JARID2: variants seen among roughly 807,000 people sequenced by gnomAD.
The protein encoded by JARID2 is protein Jumonji.
A neutral mutation model predicts 125.6 loss-of-function variants in JARID2; 21 were observed. That is an observed-to-expected ratio of 0.17 (90% confidence interval 0.12 to 0.24). The LOEUF is 0.24. Among genes scored for constraint, JARID2 ranks in the 10% least tolerant of loss-of-function variants. JARID2 has a pLI of 1.00. For missense variants in JARID2, 1,303 were observed against 1,639.6 expected (o/e 0.79, Z 3.55); for synonymous variants, 736 against 661.6 (o/e 1.11, Z -1.73).
chr6:15,323,228 T>C (rs963187003), intron 1 of JARID2, among the ~76,000 whole-genome samples: 1 of 152,272 alleles, frequency 6.6e-6, no homozygotes, highest in Non-Finnish European at 1.5e-5. Flanking sequence ...CATTTCTCCC[T>C]GATTGCCTTC....
chr6:15,385,558 A>T (rs1016127780), intron 2 of JARID2, among the ~76,000 whole-genome samples: 1 of 151,504 alleles, frequency 6.6e-6, no homozygotes, highest in Admixed American at 6.6e-5. Flanking sequence ...TTATATAGAT[A>T]ATTATCTAAT....
At chr6:15,255,724 T>C (rs1023636775) in intron 1 of JARID2, among the ~76,000 whole-genome samples, 8 of 152,132 alleles carry the variant, frequency 5.3e-5, no homozygotes, top group Admixed American at 3.3e-4. Flanking sequence ...TGAGAAGGGA[T>C]TAGGGCTGAG....
Position 15,520,355 on chromosome 6 carries a change from A to G in JARID2, c.*104A>G. The G allele has an allele frequency of 1.2e-6, 1 of 848,274 alleles. No individual in the cohort carries two copies. The highest frequency in any genetic ancestry group is 1.7e-6 in the Non-Finnish European group (1 of 584,504). The allele number at this position is 848,274 out of a possible 1,614,324, so 52.5% of individuals were successfully genotyped here. ...TTCAAGCTGTCTTTGCACTAGCTCTAAAGAAGATTTTCTTCTGGTTTTAGA... is the reference window on the plus strand; with the variant it reads ...TTCAAGCTGTCTTTGCACTAGCTCTGAAGAAGATTTTCTTCTGGTTTTAGA... On this transcript the variant is annotated 3_prime_UTR_variant, in exon 18 of 18. Coordinates refer to ENST00000341776, the MANE Select transcript of JARID2 (RefSeq NM_004973.4).
At chr6:15,250,604 A>G (rs1039904105) in intron 1 of JARID2, among the ~76,000 whole-genome samples, 1 of 152,220 alleles carries the variant, frequency 6.6e-6, no homozygotes, top group African/African-American at 2.4e-5. Context: ...AAGAAAAATT[A>G]TGTCGACAAG....
At chr6:15,359,433 T>C (rs990249841) in intron 1 of JARID2, among the ~76,000 whole-genome samples, 1 of 152,130 alleles carries the variant, frequency 6.6e-6, no homozygotes, top group Non-Finnish European at 1.5e-5. Flanking sequence ...CACACACATA[T>C]TTTTGATTTG....
At chr6:15,333,861 T>C (rs6919296) in intron 1 of JARID2, among the ~76,000 whole-genome samples, 13,185 of 152,196 alleles carry the variant, frequency 0.087, 799 homozygotes, top group African/African-American at 0.17. Context: ...TACAAGTGAC[T>C]AGGGAGTCTT....
Position 15,462,279 on chromosome 6 carries a change from C to T in JARID2, c.494-6263C>T, listed in dbSNP as rs146002112. On this transcript the variant is annotated intron_variant, in intron 4 of 17. Coordinates refer to ENST00000341776, the MANE Select transcript of JARID2 (RefSeq NM_004973.4). The stretch of plus-strand genomic sequence containing the variant: ...TTGGGAAATTCTGTTTTAATTTCTT[C>T]CCTAATAAGTTGTAAAGTCAGACCA... Among the ~76,000 whole-genome samples the T allele has an allele frequency of 6.2e-3, 951 of 152,290 alleles. 4 individuals carry two copies. The highest frequency in any genetic ancestry group is 0.017 in the Middle Eastern group (5 of 294).
intron 1 of JARID2, among the ~76,000 whole-genome samples, chr6:15,290,421 TAA>T (rs1761161561): frequency 1.3e-5 from 2 of 152,202 alleles, no homozygotes; most frequent in Admixed American, 1.3e-4. Flanking sequence ...TGCTGGGCCA[TAA>T]AGTAGTCTTT....
At chr6:15,461,399 T>TGG (rs762446997) in intron 4 of JARID2, among the ~76,000 whole-genome samples, 1 of 152,186 alleles carries the variant, frequency 6.6e-6, no homozygotes, top group Non-Finnish European at 1.5e-5. Flanking sequence ...TAGGCACACC[T>TGG]GGGTGCTTGT....
At chr6:15,425,095 C>G (rs1196035259) in intron 3 of JARID2, among the ~76,000 whole-genome samples, 1 of 152,154 alleles carries the variant, frequency 6.6e-6, no homozygotes, top group Non-Finnish European at 1.5e-5. Context: ...GTAATACAGA[C>G]TCAGTAAATG....
chr6:15,496,898 C>T lies in JARID2; in HGVS notation c.1673C>T (p.Pro558Leu), dbSNP rs753479975. The T allele has an allele frequency of 8.1e-6, 13 of 1,601,612 alleles. No homozygotes were observed. The highest frequency in any genetic ancestry group is 1.1e-5 in the Non-Finnish European group (13 of 1,171,854). ...KAGWAAMDEI[P>L]VLRPSAKEFH... The stretch of plus-strand genomic sequence containing the variant: ...GGGTGGGCGGCCATGGACGAGATCC[C>T]CGTCCTCAGGCCCTCCGCCAAGGAG... The change falls in exon 7 of 18, where the codon CCC becomes CTC. Residue 558 changes from proline to leucine, a missense_variant. Pro to Leu is a moderately conservative substitution (Grantham distance 98, BLOSUM62 -3). Around this residue, in one of 11 missense-constraint regions of JARID2, gnomAD observed 651 missense variants for 581.6 expected, o/e 1.12. Coordinates refer to ENST00000341776, the MANE Select transcript of JARID2 (RefSeq NM_004973.4).
At chr6:15,311,163 A>C (rs1336925199) in intron 1 of JARID2, among the ~76,000 whole-genome samples, 1 of 151,032 alleles carries the variant, frequency 6.6e-6, no homozygotes, top group Non-Finnish European at 1.5e-5. Context: ...GGGATCTTAG[A>C]GGATTCATAT....
intron 1 of JARID2, among the ~76,000 whole-genome samples, chr6:15,351,951 G>A (rs1200223687): frequency 1.3e-5 from 2 of 152,164 alleles, no homozygotes; most frequent in African/African-American, 2.4e-5. Context: ...TTAAAGAGCA[G>A]TTACTACTGT....
chr6:15,464,736 C>T (rs1478615766), intron 4 of JARID2, among the ~76,000 whole-genome samples: 1 of 152,168 alleles, frequency 6.6e-6, no homozygotes, highest in Admixed American at 6.5e-5. Flanking sequence ...AACATATTAC[C>T]TCCTGATTCC....
chr6:15,501,015 G>A lies in JARID2; in HGVS notation c.2054G>A (p.Arg685His). The part of the protein sequence containing the change: ...KKWNKLADML[R>H]IPRTAQDRLA... ...TGGAACAAACTAGCAGACATGCTGC[G>A]CATCCCCAGAACTGCCCAGGACCGG... Residue 685 changes from arginine (R) to histidine (H), a missense_variant, in exon 8 of 18, where the codon CGC becomes CAC. Coordinates refer to ENST00000341776, the MANE Select transcript of JARID2 (RefSeq NM_004973.4). The A allele has an allele frequency of 6.2e-7, 1 of 1,614,086 alleles. No homozygotes were observed. Among genetic ancestry groups the A allele is most frequent in the Non-Finnish European group, 8.5e-7 (1 of 1,179,966 alleles).
chr6:15,431,501 A>G (rs1766965906), intron 3 of JARID2, among the ~76,000 whole-genome samples: 1 of 152,204 alleles, frequency 6.6e-6, no homozygotes, highest in African/African-American at 2.4e-5. Context: ...GAAGACAGTG[A>G]CGGCTTGTGC....
At chr6:15,300,034 A>G (rs1293589160) in intron 1 of JARID2, among the ~76,000 whole-genome samples, 1 of 152,140 alleles carries the variant, frequency 6.6e-6, no homozygotes, top group Admixed American at 6.5e-5. Context: ...CCATTCTTCT[A>G]TGAGTGACCA....
intron 5 of JARID2, among the ~76,000 whole-genome samples, chr6:15,470,596 A>T (rs1352674164): frequency 6.6e-6 from 1 of 152,228 alleles, no homozygotes; most frequent in Non-Finnish European, 1.5e-5. Flanking sequence ...ACACATCTGC[A>T]TAGTAGAGGG....
At chr6:15,500,759 C>T (rs778649472) in intron 7 of JARID2, 148 bp from the exon 8 acceptor site, 39 of 691,318 alleles carry the variant, frequency 5.6e-5, no homozygotes, top group Non-Finnish European at 8.8e-5. Context: ...CTCTGTGGAC[C>T]GGGAGTCTGC....
Sources: gnomAD v4.1 joint callset for allele counts (sites outside exome capture counted in the v4.1 genomes callset) on GRCh38, gnomAD v4.1.1 for gene constraint, gnomAD v4.1.1 regional missense constraint, MANE v1.5 for transcripts, NCBI Gene and HGNC (gene_info 2026-07-23, HGNC 2026-07-21) for gene names.